Variants in KCNIP4 observed in about 807,000 individuals in gnomAD.
The protein encoded by KCNIP4 is Kv channel-interacting protein 4.
Under a neutral mutation model 34.0 loss-of-function variants are expected in KCNIP4, and 12 were observed. That is an observed-to-expected ratio of 0.35 (90% CI 0.23 to 0.57). KCNIP4 has a LOEUF of 0.57. Among genes scored for constraint, KCNIP4 ranks in the 20% least tolerant of loss-of-function variants. KCNIP4 has a pLI of 0.83. For synonymous variants in KCNIP4, 124 were observed against 102.2 expected, an observed-to-expected ratio of 1.21 and a Z score of -1.29; for missense variants, 238 against 311.7, an observed-to-expected ratio of 0.76 and a Z score of 1.78.
intron 1 of KCNIP4, among the ~76,000 whole-genome samples, chr4:21,383,090 G>A (rs1015859147): frequency 1.3e-5 from 2 of 152,080 alleles, no homozygotes; most frequent in Non-Finnish European, 2.9e-5. Context: ...AGAAACACCT[G>A]GGATGTACAC....
At chr4:21,378,552 T>C (rs1721185273) in intron 1 of KCNIP4, among the ~76,000 whole-genome samples, 1 of 152,158 alleles carries the variant, frequency 6.6e-6, no homozygotes. Context: ...TTGTTCTTGT[T>C]TTGCTCTGAA....
At chr4:21,752,843 A>C (rs1717245200) in intron 1 of KCNIP4, among the ~76,000 whole-genome samples, 2 of 152,258 alleles carry the variant, frequency 1.3e-5, no homozygotes, top group South Asian at 4.1e-4. Context: ...GAGACAGTTG[A>C]GATTTTTTAT....
intron 1 of KCNIP4, among the ~76,000 whole-genome samples, chr4:21,089,671 G>T (rs1195322887): frequency 2.6e-5 from 4 of 152,276 alleles, no homozygotes; most frequent in East Asian, 3.9e-4. Flanking sequence ...AATCTTGTTT[G>T]CTCACTTCTC....
intron 1 of KCNIP4, among the ~76,000 whole-genome samples, chr4:21,416,945 A>G (rs1724999903): frequency 6.6e-6 from 1 of 152,212 alleles, no homozygotes; most frequent in African/African-American, 2.4e-5. Context: ...TGCTGATGAG[A>G]GAAAAATGCT....
At chr4:21,668,178 C>A (rs1259921700) in intron 1 of KCNIP4, among the ~76,000 whole-genome samples, 1 of 152,174 alleles carries the variant, frequency 6.6e-6, no homozygotes, top group East Asian at 1.9e-4. Context: ...GGGAGTTGAA[C>A]AATGAGAACA....
chr4:21,218,839 A>T (rs1757795467), intron 1 of KCNIP4, among the ~76,000 whole-genome samples: 1 of 152,092 alleles, frequency 6.6e-6, no homozygotes, highest in Admixed American at 6.6e-5. Flanking sequence ...ATCTTAGTAA[A>T]AGTAGTGTGA....
At chr4:21,704,986 T>C (rs1713153644) in intron 1 of KCNIP4, among the ~76,000 whole-genome samples, 1 of 152,178 alleles carries the variant, frequency 6.6e-6, no homozygotes, top group Non-Finnish European at 1.5e-5. Context: ...AATGGGTGAA[T>C]GGTTAATGAA....
At chr4:21,854,486 T>G (rs1391942131) in intron 1 of KCNIP4, among the ~76,000 whole-genome samples, 2 of 152,190 alleles carry the variant, frequency 1.3e-5, no homozygotes, top group Admixed American at 1.3e-4. Context: ...TTCTCCCCTT[T>G]TGAGTGTTTA....
chr4:21,730,732 A>T (rs1236882377), intron 1 of KCNIP4, among the ~76,000 whole-genome samples: 2 of 152,318 alleles, frequency 1.3e-5, no homozygotes, highest in South Asian at 2.1e-4. Flanking sequence ...ATTTACTCTG[A>T]AATGGGCATC....
intron 1 of KCNIP4, among the ~76,000 whole-genome samples, chr4:21,134,045 C>CA (rs1280641838): frequency 1.3e-5 from 2 of 152,096 alleles, no homozygotes; most frequent in Non-Finnish European, 2.9e-5. Flanking sequence ...TCTAACCCCC[C>CA]AAACCCATAA....
chr4:21,876,664 CT>C (rs1482392110), intron 1 of KCNIP4, among the ~76,000 whole-genome samples: 1 of 152,002 alleles, frequency 6.6e-6, no homozygotes, highest in East Asian at 1.9e-4. Context: ...AGCAGACTGC[CT>C]CATGAAAGTC....
chr4:21,796,433 C>A (rs1157478162), intron 1 of KCNIP4, among the ~76,000 whole-genome samples: 3 of 152,152 alleles, frequency 2.0e-5, no homozygotes, highest in East Asian at 1.9e-4. Context: ...AAGCTTGGTC[C>A]TTCTCTGTCT....
intron 1 of KCNIP4, among the ~76,000 whole-genome samples, chr4:21,789,965 AT>A (rs542792201): frequency 1.3e-3 from 192 of 152,242 alleles, no homozygotes; most frequent in African/African-American, 4.3e-3. Context: ...GTTTCTTCCC[AT>A]TTTCCATCTT....
intron 1 of KCNIP4, among the ~76,000 whole-genome samples, chr4:21,935,653 C>T (rs1215509014): frequency 6.6e-6 from 1 of 151,986 alleles, no homozygotes; most frequent in East Asian, 1.9e-4. Flanking sequence ...GTCACTTCCT[C>T]AGAACTCCCT....
chr4:21,619,201 C>T (rs954001477), intron 1 of KCNIP4, among the ~76,000 whole-genome samples: 3 of 152,114 alleles, frequency 2.0e-5, no homozygotes, highest in Non-Finnish European at 2.9e-5. Flanking sequence ...CTGTACCATG[C>T]GTTCAACATT....
chr4:21,765,837 A>AC (rs1383518910), intron 1 of KCNIP4, among the ~76,000 whole-genome samples: 2 of 149,720 alleles, frequency 1.3e-5, no homozygotes, highest in East Asian at 3.9e-4. Context: ...AAAAAAAAAA[A>AC]AACAAACTGA....
chr4:21,282,810 A>G (rs541739467), intron 1 of KCNIP4, among the ~76,000 whole-genome samples: 1 of 152,310 alleles, frequency 6.6e-6, no homozygotes, highest in South Asian at 2.1e-4. Flanking sequence ...AACATGACAC[A>G]GTTTTCATCT....
At position 20,734,612 on chromosome 4, in the gene KCNIP4, G is replaced by A. The variant is rs762286804; in HGVS notation, c.537+16C>T. On this transcript the variant is annotated intron_variant, in intron 6 of 8. Transcript: ENST00000382152. ...AATGGTCCAAATTACTGTGATGTTG[G>A]TGAGGCATCCCTTACCTCTTTAGTG... 2.7e-6 allele frequency: 3 copies of A among 1,095,390 alleles called. No homozygotes were observed. The highest frequency in any genetic ancestry group is 1.7e-5 in the South Asian group (1 of 60,350). The allele number at this position is 1,095,390 out of a possible 1,614,324, so 67.9% of individuals were successfully genotyped here.
chr4:20,906,007 TC>T (rs1727719543), intron 1 of KCNIP4, among the ~76,000 whole-genome samples: 1 of 151,798 alleles, frequency 6.6e-6, no homozygotes, highest in Admixed American at 6.6e-5. Context: ...CGGGTCAATT[TC>T]CCCTTCTTCT....
Sources: allele counts gnomAD v4.1 joint callset (sites outside exome capture counted in the v4.1 genomes callset), GRCh38; gene constraint gnomAD v4.1.1; transcripts MANE v1.5; gene names NCBI Gene and HGNC (gene_info 2026-07-23, HGNC 2026-07-21).